SCRG1: variants seen among roughly 807,000 people sequenced by gnomAD.
The protein encoded by SCRG1 is scrapie-responsive protein 1.
SCRG1 carries 3 observed loss-of-function variants against 7.7 expected under a neutral mutation model. The observed-to-expected ratio is 0.39, with a 90% confidence interval of 0.18 to 1.01. SCRG1 has a LOEUF of 1.01. Ranked by LOEUF, SCRG1 falls within the 50% of genes least tolerant of loss-of-function variation. The pLI, the probability that SCRG1 is intolerant of heterozygous loss-of-function variation, is 0.36. For missense variants in SCRG1, 110 were observed against 117.2 expected, an observed-to-expected ratio of 0.94 and a Z score of 0.28; for synonymous variants, 46 against 41.2, an observed-to-expected ratio of 1.12 and a Z score of -0.44.
chr4:173,416,447 G>T, the SCRG1 span, among the ~76,000 whole-genome samples: 6 of 152,306 alleles, frequency 3.9e-5, no homozygotes, highest in Middle Eastern at 3.4e-3. Context: ...TCAAAAGGAA[G>T]GAAGTTTCCA....
chr4:173,477,207 T>G, the SCRG1 span, among the ~76,000 whole-genome samples: 1 of 152,142 alleles, frequency 6.6e-6, no homozygotes, highest in Non-Finnish European at 1.5e-5. Context: ...TTATCTCGTG[T>G]CTCATATCTT....
the SCRG1 span, among the ~76,000 whole-genome samples, chr4:173,485,003 A>AT: frequency 3.5e-4 from 1 of 2,858 alleles, no homozygotes; most frequent in Non-Finnish European, 7.4e-4. Context: ...AATATATTAT[A>AT]AATATAATAT....
chr4:173,488,134 TTTAA>T, the SCRG1 span, among the ~76,000 whole-genome samples: 1,575 of 128,828 alleles, frequency 0.012, 20 homozygotes, highest in East Asian at 0.037. Context: ...AATAAATAAA[TTTAA>T]AAAATGGTCT....
chr4:173,428,272 TC>T, the SCRG1 span, among the ~76,000 whole-genome samples: 1 of 152,224 alleles, frequency 6.6e-6, no homozygotes, highest in Non-Finnish European at 1.5e-5. Flanking sequence ...AGAACTTTTT[TC>T]TTTGATTTTG....
At chr4:173,493,653 G>A in the SCRG1 span, among the ~76,000 whole-genome samples, 440 of 150,092 alleles carry the variant, frequency 2.9e-3, 3 homozygotes, top group African/African-American at 0.01. Context: ...GTGGCACACC[G>A]TCATCACTAT....
chr4:173,512,423 GAA>G, the SCRG1 span, among the ~76,000 whole-genome samples: 3 of 152,330 alleles, frequency 2.0e-5, no homozygotes, highest in African/African-American at 7.2e-5. Context: ...CAAGGTGAAA[GAA>G]GAGAAATTTT....
chr4:173,392,150 A>C (rs1739467692), intron 1 of SCRG1, among the ~76,000 whole-genome samples: 1 of 152,224 alleles, frequency 6.6e-6, no homozygotes, highest in Non-Finnish European at 1.5e-5. Flanking sequence ...CCTGGGTCCC[A>C]TCCTGACAGA....
chr4:173,508,048 C>T, the SCRG1 span, among the ~76,000 whole-genome samples: 193 of 152,160 alleles, frequency 1.3e-3, no homozygotes, highest in African/African-American at 4.5e-3. The surrounding 1 kb of genome is among the most constrained non-coding windows in gnomAD (Gnocchi z 4.4). Context: ...GGGTGCAGTC[C>T]GCCCTGAGAA....
At chr4:173,437,303 C>T in the SCRG1 span, among the ~76,000 whole-genome samples, 1 of 152,094 alleles carries the variant, frequency 6.6e-6, no homozygotes, top group African/African-American at 2.4e-5. Flanking sequence ...CAAAACAAAA[C>T]AGTGTGGGCA....
the SCRG1 span, among the ~76,000 whole-genome samples, chr4:173,506,916 G>T: frequency 6.6e-6 from 1 of 152,182 alleles, no homozygotes; most frequent in Non-Finnish European, 1.5e-5. The surrounding 1 kb of genome is among the most constrained non-coding windows in gnomAD (Gnocchi z 5.3). Flanking sequence ...CCCCGGCCGG[G>T]CTCGCTGTTT....
At chr4:173,512,821 A>T in the SCRG1 span, among the ~76,000 whole-genome samples, 1 of 152,214 alleles carries the variant, frequency 6.6e-6, no homozygotes. Context: ...AGCCTCTCCA[A>T]GGGTCACATT....
At chr4:173,488,193 C>G in the SCRG1 span, among the ~76,000 whole-genome samples, 1 of 151,984 alleles carries the variant, frequency 6.6e-6, no homozygotes. Context: ...ATTTTCTGAG[C>G]TGAGCTAAGT....
At chr4:173,516,790 A>G in the SCRG1 span, among the ~76,000 whole-genome samples, 402 of 152,290 alleles carry the variant, frequency 2.6e-3, 3 homozygotes, top group African/African-American at 8.6e-3. Flanking sequence ...GCAGAGGCGC[A>G]CCGGGTTCCG....
upstream of SCRG1, among the ~76,000 whole-genome samples, chr4:173,410,921 C>T (rs1374034783): frequency 6.6e-6 from 1 of 152,152 alleles, no homozygotes; most frequent in East Asian, 1.9e-4. Context: ...TGGCACCCAC[C>T]CATATAGTTG....
At chr4:173,417,418 AGTT>A in the SCRG1 span, among the ~76,000 whole-genome samples, 2 of 152,204 alleles carry the variant, frequency 1.3e-5, no homozygotes, top group African/African-American at 4.8e-5. Context: ...AGCATGCCCC[AGTT>A]GCCCCCTAAG....
the SCRG1 span, among the ~76,000 whole-genome samples, chr4:173,436,754 C>T: frequency 6.6e-6 from 1 of 152,146 alleles, no homozygotes; most frequent in African/African-American, 2.4e-5. Context: ...ACCTGTTTTT[C>T]AGTAAGGGAG....
At chr4:173,408,725 G>A (rs1739972366), upstream of SCRG1, among the ~76,000 whole-genome samples, 1 of 152,104 alleles carries the variant, frequency 6.6e-6, no homozygotes, top group African/African-American at 2.4e-5. Context: ...TAGGCGCCGT[G>A]GCTCACGCTT....
intron 1 of SCRG1, among the ~76,000 whole-genome samples, chr4:173,398,768 C>T (rs924230873): frequency 6.6e-6 from 1 of 152,200 alleles, no homozygotes; most frequent in Non-Finnish European, 1.5e-5. Context: ...TGTGGGACAA[C>T]ATTCAGAGTA....
At chr4:173,505,205 C>T in the SCRG1 span, among the ~76,000 whole-genome samples, 1 of 152,172 alleles carries the variant, frequency 6.6e-6, no homozygotes, top group Non-Finnish European at 1.5e-5. The surrounding 1 kb of genome is among the most constrained non-coding windows in gnomAD (Gnocchi z 4.4). Context: ...CTGACACCCC[C>T]TAGAACATCA....
Sources: gnomAD v4.1 joint callset for allele counts (sites outside exome capture counted in the v4.1 genomes callset) on GRCh38, gnomAD v4.1.1 for gene constraint, Gnocchi (gnomAD v3.1) non-coding constraint, MANE v1.5 for transcripts, NCBI Gene and HGNC (gene_info 2026-07-23, HGNC 2026-07-21) for gene names.